The following PPFIA2 variants were observed in gnomAD, a reference collection of about 807,000 sequenced individuals.
PPFIA2 encodes the protein PPFI scaffold protein A2.
PPFIA2 carries 46 observed loss-of-function variants against 175.5 expected under a neutral mutation model. That is an observed-to-expected ratio of 0.26 (90% confidence interval 0.21 to 0.34). The LOEUF (loss-of-function observed/expected upper bound fraction) is 0.34, where lower values mean the gene tolerates loss of function less well. Among genes scored for constraint, PPFIA2 ranks in the 10% least tolerant of loss-of-function variants. PPFIA2 has a pLI of 1.00. For missense variants in PPFIA2, 1,179 were observed against 1,506.1 expected, an observed-to-expected ratio of 0.78 and a Z score of 3.60; for synonymous variants, 568 against 511.4, an observed-to-expected ratio of 1.11 and a Z score of -1.49.
At chr12:81,388,253 T>C (rs1387513119) in intron 8 of PPFIA2, among the ~76,000 whole-genome samples, 2 of 152,152 alleles carry the variant, frequency 1.3e-5, no homozygotes, top group African/African-American at 2.4e-5. Flanking sequence ...TTCTTAAAAA[T>C]AGAAGAAACT....
chr12:81,362,420 A>G (rs1447452328), intron 15 of PPFIA2, among the ~76,000 whole-genome samples: 1 of 151,222 alleles, frequency 6.6e-6, no homozygotes. Flanking sequence ...AATTTCTTCA[A>G]TTAAGAATCT....
chr12:81,644,782 G>A (rs1227623959), intron 4 of PPFIA2, among the ~76,000 whole-genome samples: 1 of 152,092 alleles, frequency 6.6e-6, no homozygotes, highest in Non-Finnish European at 1.5e-5. Context: ...AGTGCTCAAT[G>A]ATGATACAGA....
intron 7 of PPFIA2, among the ~76,000 whole-genome samples, chr12:81,406,808 T>A (rs925499026): frequency 1.3e-5 from 2 of 152,156 alleles, no homozygotes; most frequent in Non-Finnish European, 2.9e-5. Flanking sequence ...GTACATAGTA[T>A]TTAGTGCACA....
intron 8 of PPFIA2, among the ~76,000 whole-genome samples, chr12:81,393,421 G>A (rs987739033): frequency 6.6e-6 from 1 of 152,030 alleles, no homozygotes; most frequent in Non-Finnish European, 1.5e-5. Context: ...CTTCCTGGAT[G>A]AATTACCAAG....
rs780205566 is a variant in PPFIA2, at chr12:81,384,133, C to T, written c.874G>A (p.Ala292Thr). 1.2e-6 allele frequency: 2 copies of T among 1,613,014 alleles called. No homozygotes were observed. Among genetic ancestry groups the T allele is most frequent in the South Asian group, 1.1e-5 (1 of 91,064 alleles). The part of the protein sequence containing the change: ...YEMAQMKERL[A>T]ALSSRVGEVE... ...TCTCCCACTCGGGAAGAAAGGGCTG[C>T]TAAACGTTCTTTCATCTGGGCCATT... Residue 292 changes from alanine (A) to threonine (T), a missense_variant, in exon 9 of 33, where the codon GCA (alanine) becomes ACA (threonine). By Grantham distance (58) the Ala-to-Thr change is moderately conservative. Coordinates refer to ENST00000549396, the MANE Select transcript of PPFIA2 (RefSeq NM_003625.5).
intron 5 of PPFIA2, among the ~76,000 whole-genome samples, chr12:81,456,587 T>G (rs545695007): frequency 6.6e-6 from 1 of 152,318 alleles, no homozygotes; most frequent in Admixed American, 6.5e-5. Flanking sequence ...AGGATTGATC[T>G]ATTATAGCTA....
chr12:81,533,513 A>AAG (rs1478493270), intron 4 of PPFIA2, among the ~76,000 whole-genome samples: 1 of 151,596 alleles, frequency 6.6e-6, no homozygotes, highest in Non-Finnish European at 1.5e-5. Context: ...ATTTTCCACA[A>AAG]CTTGAAATTT....
intron 15 of PPFIA2, among the ~76,000 whole-genome samples, chr12:81,359,845 T>G (rs1345278501): frequency 6.6e-6 from 1 of 151,934 alleles, no homozygotes; most frequent in Non-Finnish European, 1.5e-5. Flanking sequence ...CATATCAATT[T>G]CCTGCTTAAA....
chr12:81,666,708 A>G (rs999167423), intron 4 of PPFIA2, among the ~76,000 whole-genome samples: 2 of 152,128 alleles, frequency 1.3e-5, no homozygotes, highest in Non-Finnish European at 2.9e-5. Flanking sequence ...ACATGTATAC[A>G]TATGTAACTA....
intron 22 of PPFIA2, among the ~76,000 whole-genome samples, chr12:81,324,961 G>C (rs529266921): frequency 1.3e-5 from 2 of 151,988 alleles, no homozygotes; most frequent in East Asian, 3.9e-4. Flanking sequence ...TGATTAGCCT[G>C]TATATTATAA....
chr12:81,416,085 T>C (rs1445542579), intron 7 of PPFIA2, among the ~76,000 whole-genome samples: 1 of 151,594 alleles, frequency 6.6e-6, no homozygotes, highest in East Asian at 1.9e-4. Flanking sequence ...TAGTGGACAT[T>C]GTTAAGGCAA....
At chr12:81,494,512 C>A (rs1483812710) in intron 4 of PPFIA2, among the ~76,000 whole-genome samples, 1 of 151,850 alleles carries the variant, frequency 6.6e-6, no homozygotes, top group Non-Finnish European at 1.5e-5. Flanking sequence ...TAAACTAGTT[C>A]AACCATTGTG....
At chr12:81,501,274 C>G (rs574204567) in intron 4 of PPFIA2, among the ~76,000 whole-genome samples, 2 of 152,288 alleles carry the variant, frequency 1.3e-5, no homozygotes, top group South Asian at 4.1e-4. Flanking sequence ...ATTCCCTTCA[C>G]CTTTTCCAAG....
rs1247295933 is a variant in PPFIA2, at chr12:81,347,675, C to A, written c.2090G>T (p.Arg697Met). 8.1e-6 allele frequency: 13 copies of A among 1,613,710 alleles called. No homozygotes were observed. Among genetic ancestry groups the A allele is most frequent in the Non-Finnish European group, 1.1e-5 (13 of 1,179,820 alleles). Reference protein sequence around the residue: ...SVSLEGLNLARVHPGTSITAS... With the variant: ...SVSLEGLNLAMVHPGTSITAS... Reference sequence around the variant, plus strand: ...AGTAATGGAGGTACCTGGGTGGACCCTTGCCAAATTCAGGCCTTCGAGGCT... The same window carrying A: ...AGTAATGGAGGTACCTGGGTGGACCATTGCCAAATTCAGGCCTTCGAGGCT... Residue 697 changes from arginine to methionine, a missense_variant, in exon 18 of 33, where the codon AGG becomes ATG. Physicochemically the swap from Arg to Met is moderately conservative, Grantham distance 91. Transcript: ENST00000549396.
chr12:81,335,887 T>C (rs571739914), intron 21 of PPFIA2, among the ~76,000 whole-genome samples: 32 of 152,292 alleles, frequency 2.1e-4, no homozygotes, highest in African/African-American at 6.3e-4. Flanking sequence ...CTAAATTCAA[T>C]TGTGGCCTTC....
intron 21 of PPFIA2, 42 bp downstream of exon 21, chr12:81,339,137 TA>T: frequency 6.8e-7 from 1 of 1,465,742 alleles, no homozygotes; most frequent in Non-Finnish European, 9.1e-7. Flanking sequence ...GTGACATGAC[TA>T]AAATGAGTGG....
chr12:81,355,028 A>G (rs1044155056), intron 16 of PPFIA2, among the ~76,000 whole-genome samples: 4 of 152,120 alleles, frequency 2.6e-5, no homozygotes, highest in African/African-American at 9.7e-5. Flanking sequence ...AATGTTTTCA[A>G]TTGGCTTTGC....
intron 26 of PPFIA2, among the ~76,000 whole-genome samples, chr12:81,281,839 T>C (rs1045031588): frequency 6.6e-6 from 1 of 152,090 alleles, no homozygotes; most frequent in Non-Finnish European, 1.5e-5. Flanking sequence ...CACTTATCAA[T>C]GCCACTACTA....
intron 5 of PPFIA2, among the ~76,000 whole-genome samples, chr12:81,452,247 T>C (rs1012816379): frequency 2.0e-5 from 3 of 152,208 alleles, no homozygotes; most frequent in Non-Finnish European, 4.4e-5. Context: ...TTTCTAAAAC[T>C]ATATAACTTC....
Sources: gnomAD v4.1 joint callset for allele counts (sites outside exome capture counted in the v4.1 genomes callset) on GRCh38, gnomAD v4.1.1 for gene constraint, MANE v1.5 for transcripts, NCBI Gene and HGNC (gene_info 2026-07-23, HGNC 2026-07-21) for gene names.